WWOX: variants seen among roughly 807,000 people sequenced by gnomAD.
The protein encoded by WWOX is WW domain containing oxidoreductase.
Under a neutral mutation model 46.2 loss-of-function variants are expected in WWOX, and 69 were observed. That is an observed-to-expected ratio of 1.49 (90% CI 1.23 to 1.82). The LOEUF is 1.82. Ranked by LOEUF, WWOX falls within the 40% of genes most tolerant of loss-of-function variation. The pLI, the probability that WWOX is intolerant of heterozygous loss-of-function variation, is 0.00. For synonymous variants in WWOX, 359 were observed against 202.6 expected (o/e 1.77, Z -6.56); for missense variants, 919 against 542.6 (o/e 1.69, Z -6.89).
At chr16:78,798,546 G>A (rs1205470015) in intron 8 of WWOX, among the ~76,000 whole-genome samples, 2 of 150,088 alleles carry the variant, frequency 1.3e-5, no homozygotes, top group African/African-American at 4.9e-5. Flanking sequence ...CACAAGCTTA[G>A]CTATGCAATA....
At chr16:78,113,464 T>G (rs2032608057) in intron 3 of WWOX, among the ~76,000 whole-genome samples, 1 of 152,190 alleles carries the variant, frequency 6.6e-6, no homozygotes, top group Non-Finnish European at 1.5e-5. Context: ...CAATAAAACT[T>G]TATTTACAGA....
chr16:79,171,404 AT>A (rs1310414706), intron 8 of WWOX, among the ~76,000 whole-genome samples: 1 of 152,194 alleles, frequency 6.6e-6, no homozygotes, highest in Non-Finnish European at 1.5e-5. Flanking sequence ...CCTTTCCATT[AT>A]TAGCTCTCTC....
intron 8 of WWOX, among the ~76,000 whole-genome samples, chr16:78,917,068 C>T (rs117446594): frequency 6.6e-6 from 1 of 152,156 alleles, no homozygotes; most frequent in African/African-American, 2.4e-5. Flanking sequence ...CCACATCTTT[C>T]CAGATTCAAT....
intron 8 of WWOX, among the ~76,000 whole-genome samples, chr16:78,622,473 C>T (rs371555822): frequency 7.9e-5 from 12 of 151,428 alleles, no homozygotes; most frequent in South Asian, 2.1e-4. Flanking sequence ...ACCCAGGAGA[C>T]GGGGGTTGCA....
chr16:78,924,232 C>G (rs925283882), intron 8 of WWOX, among the ~76,000 whole-genome samples: 7 of 152,244 alleles, frequency 4.6e-5, no homozygotes, highest in Admixed American at 6.5e-5. Flanking sequence ...GCTGTGAATT[C>G]ATAGACGTCT....
chr16:79,048,867 A>T (rs1442258114), intron 8 of WWOX, among the ~76,000 whole-genome samples: 1 of 152,078 alleles, frequency 6.6e-6, no homozygotes, highest in African/African-American at 2.4e-5. Flanking sequence ...GCAATATAGC[A>T]CATCTCTACC....
intron 8 of WWOX, among the ~76,000 whole-genome samples, chr16:79,188,331 G>C (rs1349919171): frequency 6.6e-6 from 1 of 152,200 alleles, no homozygotes; most frequent in Non-Finnish European, 1.5e-5. Flanking sequence ...ACACAGCTTT[G>C]AGTCGTGACC....
At chr16:78,882,769 A>C (rs2044370498) in intron 8 of WWOX, among the ~76,000 whole-genome samples, 1 of 151,908 alleles carries the variant, frequency 6.6e-6, no homozygotes, top group Non-Finnish European at 1.5e-5. Context: ...GATTACAGGC[A>C]TGAGCCACCG....
In WWOX at chr16:78,937,516, A is replaced by C. The variant is rs142606816; in HGVS notation, c.1057-274092A>C. 5.0e-5 allele frequency among the ~76,000 whole-genome samples: 7 copies of C among 140,396 alleles called. No individual in the cohort carries two copies. In the East Asian group the frequency reaches 1.4e-3, roughly 29 times the overall value. 92.1% of individuals were successfully genotyped at this position (140,396 alleles called of 152,430 possible). ...CACTGTGTTGCCCAGGCTGGTCTCA[A>C]ACTCCTGAGTTCAAGTGATCTGCCT... On this transcript the variant is annotated intron_variant, in intron 8 of 8. Coordinates refer to ENST00000566780, the MANE Select transcript of WWOX (RefSeq NM_016373.4).
chr16:78,232,984 G>T (rs1456089481), intron 5 of WWOX, among the ~76,000 whole-genome samples: 3 of 152,166 alleles, frequency 2.0e-5, no homozygotes, highest in Non-Finnish European at 4.4e-5. Context: ...TGGGACTACA[G>T]GCGTGCGCCA....
At chr16:78,507,953 C>CT (rs910281660) in intron 8 of WWOX, among the ~76,000 whole-genome samples, 1 of 149,640 alleles carries the variant, frequency 6.7e-6, no homozygotes, top group African/African-American at 2.5e-5. Context: ...ATGCACGGAC[C>CT]TTTTATGCAT....
chr16:78,993,469 A>C (rs11150128), intron 8 of WWOX, among the ~76,000 whole-genome samples: 150,757 of 152,258 alleles, frequency 0.99, 74,656 homozygotes, highest in East Asian at 1. Context: ...AATTATAGTT[A>C]AGCAGGGCTG....
At position 78,345,694 on chromosome 16, in the gene WWOX, A is replaced by G. The variant is rs1200396542; in HGVS notation, c.517-41166A>G. 3.6e-5 allele frequency among the ~76,000 whole-genome samples: 4 copies of G among 112,020 alleles called. 1 individual carries two copies. The highest frequency in any genetic ancestry group is 8.4e-5 in the Non-Finnish European group (4 of 47,876). 73.5% of individuals were successfully genotyped at this position (112,020 alleles called of 152,430 possible). A position where few individuals can be genotyped will look rare whatever the true frequency, so the allele number is the denominator to read the frequency against. On this transcript the variant is annotated intron_variant, in intron 5 of 8. Coordinates refer to ENST00000566780, the MANE Select transcript of WWOX (RefSeq NM_016373.4). ...ATAAAGCATGGGAAGTCCCTTATAC[A>G]GTTTGTGATATGGGTACACACTCAG...
chr16:78,637,176 C>T (rs887845471), intron 8 of WWOX, among the ~76,000 whole-genome samples: 1 of 152,176 alleles, frequency 6.6e-6, no homozygotes, highest in Non-Finnish European at 1.5e-5. Flanking sequence ...AATCCCGGCA[C>T]TTTGGGAGGC....
At chr16:78,279,778 C>G (rs184057773) in intron 5 of WWOX, among the ~76,000 whole-genome samples, 1 of 152,176 alleles carries the variant, frequency 6.6e-6, no homozygotes, top group Admixed American at 6.5e-5. Context: ...CTTTAATCTT[C>G]GCAAAGGGAA....
chr16:78,235,086 A>G (rs936274049), intron 5 of WWOX, among the ~76,000 whole-genome samples: 17 of 152,234 alleles, frequency 1.1e-4, no homozygotes, highest in African/African-American at 4.1e-4. Context: ...ACACGTAATG[A>G]TGTTCGTGAT....
chr16:78,788,788 G>C (rs968629403), intron 8 of WWOX, among the ~76,000 whole-genome samples: 1 of 152,180 alleles, frequency 6.6e-6, no homozygotes, highest in East Asian at 1.9e-4. Context: ...TGAAGTCTCT[G>C]ACTTGCTATT....
chr16:78,945,844 C>T (rs879583998), intron 8 of WWOX, among the ~76,000 whole-genome samples: 2 of 152,132 alleles, frequency 1.3e-5, no homozygotes, highest in African/African-American at 2.4e-5. Context: ...GAGGGAACTT[C>T]ATCTCGTAGT....
intron 8 of WWOX, among the ~76,000 whole-genome samples, chr16:78,871,642 C>G (rs780901624): frequency 3.5e-4 from 53 of 152,320 alleles, no homozygotes; most frequent in African/African-American, 1.2e-3. Context: ...CCAGGTTGCT[C>G]AGGCTGGAGT....
Sources: allele counts gnomAD v4.1 joint callset (sites outside exome capture counted in the v4.1 genomes callset), GRCh38; gene constraint gnomAD v4.1.1; transcripts MANE v1.5; gene names NCBI Gene and HGNC (gene_info 2026-07-23, HGNC 2026-07-21).